VPS13D: variants seen among roughly 807,000 people sequenced by gnomAD.
The protein encoded by VPS13D is vacuolar protein sorting 13 homolog D, also known as intermembrane lipid transfer protein VPS13D.
VPS13D carries 187 observed loss-of-function variants against 461.9 expected under a neutral mutation model. The ratio of observed to expected loss-of-function variants is 0.40; its 90% confidence interval spans 0.36 to 0.46. The LOEUF (loss-of-function observed/expected upper bound fraction) is 0.46. Among genes scored for constraint, VPS13D ranks in the 20% least tolerant of loss-of-function variants. The probability of loss-of-function intolerance (pLI) is 0.60; values close to 1 mark genes in which losing one functional copy is unlikely to be tolerated. For synonymous variants in VPS13D, 1,951 were observed against 1,986.3 expected (o/e 0.98, Z 0.47); for missense variants, 4,711 against 5,364.9 (o/e 0.88, Z 3.81).
At chr1:12,454,986 G>C (rs1452841643) in intron 65 of VPS13D, among the ~76,000 whole-genome samples, 3 of 152,222 alleles carry the variant, frequency 2.0e-5, no homozygotes, top group Admixed American at 6.5e-5. Flanking sequence ...AACCTTTTCA[G>C]ATTGTCTTGT....
intron 30 of VPS13D, among the ~76,000 whole-genome samples, chr1:12,317,582 A>G (rs1642923401): frequency 6.6e-6 from 1 of 151,722 alleles, no homozygotes; most frequent in African/African-American, 2.4e-5. Flanking sequence ...AAATGTGAAT[A>G]AAAAATGTCT....
chr1:12,347,897 T>C (rs1643710481), intron 44 of VPS13D, among the ~76,000 whole-genome samples: 1 of 152,254 alleles, frequency 6.6e-6, no homozygotes, highest in South Asian at 2.1e-4. Context: ...GTGTGTTGAA[T>C]GTGTGAATGA....
At chr1:12,265,448 T>G (rs1369162213) in intron 13 of VPS13D, among the ~76,000 whole-genome samples, 1 of 152,216 alleles carries the variant, frequency 6.6e-6, no homozygotes, top group African/African-American at 2.4e-5. Context: ...TCAACTTTTA[T>G]TATTCAAGAA....
At chr1:12,437,018 G>A (rs757371795) in intron 65 of VPS13D, among the ~76,000 whole-genome samples, 1 of 152,118 alleles carries the variant, frequency 6.6e-6, no homozygotes, top group African/African-American at 2.4e-5. Flanking sequence ...CACTGAGCGG[G>A]CCCAAACAAA....
At chr1:12,230,336 C>T (rs1224674689) in intron 1 of VPS13D, among the ~76,000 whole-genome samples, 3 of 152,130 alleles carry the variant, frequency 2.0e-5, no homozygotes, top group African/African-American at 7.2e-5. Context: ...GCCCCAAGCC[C>T]GCCACCTCCG....
intron 65 of VPS13D, among the ~76,000 whole-genome samples, chr1:12,422,315 A>C (rs1194004335): frequency 6.6e-6 from 1 of 152,084 alleles, no homozygotes; most frequent in Non-Finnish European, 1.5e-5. Context: ...TTCATTGTTC[A>C]TTGTTTGCTA....
intron 2 of VPS13D, among the ~76,000 whole-genome samples, chr1:12,242,307 A>G (rs1569643958): frequency 6.6e-6 from 1 of 152,124 alleles, no homozygotes; most frequent in Non-Finnish European, 1.5e-5. Flanking sequence ...CCTTTAACCT[A>G]CACATGATAT....
Position 12,321,462 on chromosome 1 carries a change from T to C in VPS13D, c.7549-347T>C, listed in dbSNP as rs541682387. 1.5e-3 allele frequency among the ~76,000 whole-genome samples: 230 copies of C among 152,340 alleles called. 1 individual carries two copies. The highest frequency in any genetic ancestry group is 2.5e-3 in the South Asian group (12 of 4,832). ...AATATTCCATTGAGTAGATGTGATATAACCTTGGCTGCTCTTAATTTTTTT... is the reference window on the plus strand; with the variant it reads ...AATATTCCATTGAGTAGATGTGATACAACCTTGGCTGCTCTTAATTTTTTT... On this transcript the variant is annotated intron_variant, in intron 32 of 69. Transcript: ENST00000620676.
chr1:12,499,128 T>TG (rs1280429196), intron 68 of VPS13D, among the ~76,000 whole-genome samples: 3 of 151,904 alleles, frequency 2.0e-5, no homozygotes, highest in Non-Finnish European at 2.9e-5. Context: ...AGCCTTTGGA[T>TG]GGGGGGTCTA....
At chr1:12,477,316 A>G (rs1370610538) in intron 67 of VPS13D, among the ~76,000 whole-genome samples, 2 of 152,168 alleles carry the variant, frequency 1.3e-5, no homozygotes, top group Non-Finnish European at 2.9e-5. Flanking sequence ...CCTTCGTTAG[A>G]AGAGTTCTAG....
At chr1:12,477,826 C>A (rs1557464101) in intron 67 of VPS13D, among the ~76,000 whole-genome samples, 1 of 152,058 alleles carries the variant, frequency 6.6e-6, no homozygotes, top group Non-Finnish European at 1.5e-5. Context: ...ATAAGACCAG[C>A]TAGTAACCAG....
chr1:12,397,082 C>G (rs114983958), intron 60 of VPS13D, among the ~76,000 whole-genome samples: 1 of 152,006 alleles, frequency 6.6e-6, no homozygotes, highest in Non-Finnish European at 1.5e-5. Flanking sequence ...TACAGGTGCC[C>G]GCCACCACGC....
chr1:12,309,585 C>T (rs1463271008), intron 27 of VPS13D, among the ~76,000 whole-genome samples: 5 of 150,450 alleles, frequency 3.3e-5, no homozygotes, highest in East Asian at 2.0e-4. Context: ...GGTGAAACCC[C>T]GTCTCTACTA....
chr1:12,394,522 A>G (rs898225588), intron 60 of VPS13D, among the ~76,000 whole-genome samples: 7 of 152,204 alleles, frequency 4.6e-5, no homozygotes, highest in African/African-American at 1.4e-4. Context: ...TTTGTAGCTA[A>G]TGATTGCTGT....
intron 21 of VPS13D, among the ~76,000 whole-genome samples, chr1:12,284,729 C>A (rs1016750468): frequency 1.3e-5 from 2 of 152,182 alleles, no homozygotes; most frequent in African/African-American, 4.8e-5. Flanking sequence ...AGGAGAATCA[C>A]ATTTTATCCT....
chr1:12,247,886 ATT>A (rs573458027), intron 5 of VPS13D, among the ~76,000 whole-genome samples: 27 of 118,710 alleles, frequency 2.3e-4, no homozygotes, highest in Admixed American at 2.5e-4. Flanking sequence ...GTATTTTTGT[ATT>A]TTTTTTTTTT....
intron 13 of VPS13D, 76 bp downstream of exon 13, chr1:12,262,156 C>A: frequency 3.4e-6 from 5 of 1,485,760 alleles, no homozygotes; most frequent in Non-Finnish European, 4.5e-6. Flanking sequence ...TCATTATTTG[C>A]TGTGGGGATA....
chr1:12,313,827 T>C (rs1436669733), intron 29 of VPS13D, among the ~76,000 whole-genome samples: 1 of 152,192 alleles, frequency 6.6e-6, no homozygotes, highest in Non-Finnish European at 1.5e-5. Flanking sequence ...ATGGGAATGA[T>C]AACGGATTCA....
Position 12,409,097 on chromosome 1 carries a change from GTGTT to G in VPS13D, c.12030+5128_12030+5131del, listed in dbSNP as rs200222732. Reference sequence around the variant, plus strand: ...CTTTGCTTTTGGCGTGTGTGTGTGTGTGTTTGTGTTTAATTATACAAGAGCTGTT... The same window carrying G: ...CTTTGCTTTTGGCGTGTGTGTGTGTGTGTGTTTAATTATACAAGAGCTGTT... On this transcript the variant is annotated intron_variant, in intron 63 of 69. Transcript: ENST00000620676. 9.6e-3 allele frequency among the ~76,000 whole-genome samples: 1,460 copies of G among 152,136 alleles called. 22 individuals are homozygous for G. Among genetic ancestry groups the G allele is most frequent in the African/African-American group, 0.028 (1,148 of 41,500 alleles).
Sources: allele counts gnomAD v4.1 joint callset (sites outside exome capture counted in the v4.1 genomes callset), GRCh38; gene constraint gnomAD v4.1.1; transcripts MANE v1.5; gene names NCBI Gene and HGNC (gene_info 2026-07-23, HGNC 2026-07-21).